Variants in MORC1 observed in about 807,000 individuals in gnomAD.
The protein encoded by MORC1 is MORC family CW-type zinc finger 1.
In MORC1, 59 loss-of-function variants were observed where a neutral mutation model predicts 134.9. The observed-to-expected ratio is 0.44, with a 90% CI of 0.35 to 0.54. The LOEUF (loss-of-function observed/expected upper bound fraction) is 0.54. Ranked by LOEUF, MORC1 falls within the 20% of genes least tolerant of loss-of-function variation. The pLI is 0.00. For synonymous variants in MORC1, 395 were observed against 391.7 expected, an observed-to-expected ratio of 1.01 and a Z score of -0.10; for missense variants, 947 against 1,134.5, an observed-to-expected ratio of 0.83 and a Z score of 2.37.
chr3:109,114,488 A>G, intron 1 of MORC1, 51 bp from the exon 2 acceptor site: 1 of 1,497,346 alleles, frequency 6.7e-7, no homozygotes, highest in Non-Finnish European at 9.2e-7. Context: ...TGTGTAATCA[A>G]TGTAAAAGCT....
chr3:109,035,500 A>T (rs752491974), intron 14 of MORC1, 32 bp from the exon 15 acceptor site: 5,403 of 253,662 alleles, frequency 0.021, 14 homozygotes, highest in Non-Finnish European at 0.028. Flanking sequence ...AAAGAATAAC[A>T]AAAAAAAATC....
At chr3:109,070,423 G>T (rs1193731746) in intron 8 of MORC1, among the ~76,000 whole-genome samples, 1 of 152,094 alleles carries the variant, frequency 6.6e-6, no homozygotes, top group Non-Finnish European at 1.5e-5. Context: ...CTGCATTTTG[G>T]GAAATCGCCA....
At chr3:109,084,031 T>C (rs891222014) in intron 8 of MORC1, among the ~76,000 whole-genome samples, 2 of 152,160 alleles carry the variant, frequency 1.3e-5, no homozygotes, top group African/African-American at 4.8e-5. Context: ...AAACTATGTA[T>C]GATAAACACA....
Position 109,110,758 on chromosome 3 carries a change from C to T in MORC1, c.145G>A (p.Val49Ile), listed in dbSNP as rs1230218222. 1.9e-6 allele frequency: 3 copies of T among 1,586,624 alleles called. No homozygotes were observed. Among genetic ancestry groups the T allele is most frequent in the East Asian group, 2.3e-5 (1 of 43,846 alleles). ...AAGCAAATCTGCTCACCTGAAAAGA[C>T]ATCAAGTCTTTCAGCCCCTGCATCT... is the stretch of plus-strand genomic sequence containing the variant. Reference protein sequence around the residue: ...ARDAGAERLDVFSVDNEKLQG... With the variant: ...ARDAGAERLDIFSVDNEKLQG... Residue 49 changes from valine to isoleucine, a missense_variant, in exon 3 of 28, where the codon GTC becomes ATC. Physicochemically the swap from Val to Ile is conservative, Grantham distance 29. This residue lies in a region of MORC1 where 214 missense variants were observed against 281.3 expected (regional missense o/e 0.76). Coordinates refer to ENST00000232603, the MANE Select transcript of MORC1 (RefSeq NM_014429.4).
chr3:109,016,917 T>C (rs1948828566), intron 17 of MORC1, among the ~76,000 whole-genome samples: 1 of 152,112 alleles, frequency 6.6e-6, no homozygotes, highest in Non-Finnish European at 1.5e-5. Flanking sequence ...ATCACACCTG[T>C]GTGCTGTATT....
chr3:109,059,977 A>G, intron 11 of MORC1, 107 bp from the exon 12 acceptor site: 2 of 808,116 alleles, frequency 2.5e-6, no homozygotes, highest in Non-Finnish European at 3.9e-6. Flanking sequence ...AATAGCTCAC[A>G]TTACCTAATG....
intron 6 of MORC1, among the ~76,000 whole-genome samples, chr3:109,095,668 C>T (rs151330759): frequency 2.6e-5 from 4 of 152,064 alleles, no homozygotes; most frequent in African/African-American, 9.7e-5. Flanking sequence ...TTAGATAGAC[C>T]GAGTGAAAGT....
At chr3:109,030,306 AAT>A (rs1949211363) in intron 16 of MORC1, among the ~76,000 whole-genome samples, 1 of 152,272 alleles carries the variant, frequency 6.6e-6, no homozygotes, top group Admixed American at 6.5e-5. Flanking sequence ...TTTGCCTAGC[AAT>A]AATGTATTTT....
At chr3:108,995,291 C>T (rs1948169508) in intron 21 of MORC1, among the ~76,000 whole-genome samples, 1 of 152,172 alleles carries the variant, frequency 6.6e-6, no homozygotes, top group Admixed American at 6.5e-5. Context: ...GCTAGCATAC[C>T]TATAAAAGGT....
At chr3:108,991,695 G>T (rs576055149) in intron 21 of MORC1, among the ~76,000 whole-genome samples, 2 of 152,264 alleles carry the variant, frequency 1.3e-5, no homozygotes, top group South Asian at 2.1e-4. Context: ...CTTTGCTCCA[G>T]TTATTTCCAA....
chr3:108,981,405 T>C (rs1947716182), intron 23 of MORC1, among the ~76,000 whole-genome samples: 1 of 152,210 alleles, frequency 6.6e-6, no homozygotes, highest in South Asian at 2.1e-4. Flanking sequence ...AAGAACATTA[T>C]ATAAACTAAT....
At chr3:108,998,840 C>G (rs1187036666) in intron 21 of MORC1, among the ~76,000 whole-genome samples, 3 of 152,054 alleles carry the variant, frequency 2.0e-5, no homozygotes, top group Non-Finnish European at 2.9e-5. Context: ...TAAATCATAC[C>G]ACATAGCTAC....
intron 21 of MORC1, among the ~76,000 whole-genome samples, chr3:108,994,185 T>G (rs555853056): frequency 1.3e-5 from 2 of 150,426 alleles, no homozygotes; most frequent in East Asian, 3.9e-4. Context: ...TGCTCTGTTC[T>G]AGACACCAGA....
At chr3:109,058,955 G>A (rs2107678760) in intron 12 of MORC1, among the ~76,000 whole-genome samples, 1 of 152,132 alleles carries the variant, frequency 6.6e-6, no homozygotes. Flanking sequence ...CTTGTTTCAA[G>A]AAGGTTTTTA....
chr3:109,031,848 C>A (rs1281375982), intron 16 of MORC1, among the ~76,000 whole-genome samples: 1 of 152,016 alleles, frequency 6.6e-6, no homozygotes. Context: ...TTGGGAAAAA[C>A]AAGGTTGCAT....
intron 8 of MORC1, among the ~76,000 whole-genome samples, chr3:109,071,051 T>A (rs368897720): frequency 6.6e-6 from 1 of 152,286 alleles, no homozygotes; most frequent in East Asian, 1.9e-4. Flanking sequence ...AATACAATAA[T>A]GTGGCTGCTT....
chr3:108,965,581 A>C (rs6782016), intron 26 of MORC1, among the ~76,000 whole-genome samples: 1 of 152,200 alleles, frequency 6.6e-6, no homozygotes, highest in Non-Finnish European at 1.5e-5. Flanking sequence ...TCCTGATTTC[A>C]GTAATGAGAA....
chr3:108,996,286 G>GCGCGCGCGCGCACACACACACACACACA, intron 21 of MORC1, among the ~76,000 whole-genome samples: 43 of 146,464 alleles, frequency 2.9e-4, no homozygotes, highest in Middle Eastern at 3.5e-3. Context: ...GCGCGCGCGC[G>GCGCGCGCGCGCACACACACACACACACA]CACACACACA....
intron 8 of MORC1, among the ~76,000 whole-genome samples, chr3:109,072,494 C>T (rs1950340632): frequency 6.6e-6 from 1 of 152,194 alleles, no homozygotes; most frequent in African/African-American, 2.4e-5. Flanking sequence ...ATCTGCATCC[C>T]CAACTGGCTG....
Sources: gnomAD v4.1 joint callset for allele counts (sites outside exome capture counted in the v4.1 genomes callset) on GRCh38, gnomAD v4.1.1 for gene constraint, gnomAD v4.1.1 regional missense constraint, MANE v1.5 for transcripts, NCBI Gene and HGNC (gene_info 2026-07-23, HGNC 2026-07-21) for gene names.